Variants in CEP112 observed in about 807,000 individuals in gnomAD.
CEP112 encodes the protein centrosomal protein of 112 kDa.
A neutral mutation model predicts 153.0 loss-of-function variants in CEP112; 127 were observed. The observed-to-expected ratio is 0.83, with a 90% CI of 0.72 to 0.96. The LOEUF (loss-of-function observed/expected upper bound fraction) is 0.96. Among genes scored for constraint, CEP112 ranks in the 40% least tolerant of loss-of-function variants. CEP112 has a pLI of 0.00. For synonymous variants in CEP112, 358 were observed against 374.4 expected (o/e 0.96, Z 0.51); for missense variants, 1,089 against 1,101.2 (o/e 0.99, Z 0.16).
intron 12 of CEP112, among the ~76,000 whole-genome samples, 177 bp from the exon 13 acceptor site, chr17:66,030,200 G>A (rs543449025): frequency 6.6e-4 from 101 of 152,068 alleles, no homozygotes; most frequent in Non-Finnish European, 1.1e-3. Flanking sequence ...AAAAAACAAT[G>A]CATACTACCA....
chr17:65,958,848 G>A lies in CEP112; in HGVS notation c.1872+2615C>T, dbSNP rs117877178. Among the ~76,000 whole-genome samples the A allele has an allele frequency of 2.0e-3, 309 of 152,210 alleles. 8 individuals are homozygous for A. The East Asian group carries it at 0.052, about 26-fold the overall frequency. ...CCACAGACTGGAGTGGGAACTCGTG[G>A]TGCCTTTTCTGGGCCTCCCCATGGC... On this transcript the variant is annotated intron_variant, in intron 18 of 26. Coordinates refer to ENST00000535342, the MANE Select transcript of CEP112 (RefSeq NM_001199165.4).
chr17:66,041,602 CA>C (rs1263684976), intron 12 of CEP112, among the ~76,000 whole-genome samples: 1 of 152,072 alleles, frequency 6.6e-6, no homozygotes, highest in Non-Finnish European at 1.5e-5. Flanking sequence ...GCATAACTAG[CA>C]CACAGATATT....
At chr17:65,700,410 C>T (rs2048572268) in intron 23 of CEP112, among the ~76,000 whole-genome samples, 1 of 152,052 alleles carries the variant, frequency 6.6e-6, no homozygotes, top group African/African-American at 2.4e-5. Flanking sequence ...CAACAAACGC[C>T]AGGGAAAGTT....
intron 23 of CEP112, among the ~76,000 whole-genome samples, chr17:65,709,737 G>A (rs898401617): frequency 1.3e-5 from 2 of 152,158 alleles, no homozygotes; most frequent in Non-Finnish European, 2.9e-5. Flanking sequence ...CACATTGAGC[G>A]GCATTATACA....
intron 17 of CEP112, among the ~76,000 whole-genome samples, chr17:65,989,497 C>A (rs1596325): frequency 0.58 from 87,638 of 150,192 alleles, 26,933 homozygotes; most frequent in African/African-American, 0.72. Context: ...AACTGTCATA[C>A]AAAAATGCTA....
At chr17:66,121,401 A>C (rs996000959) in intron 6 of CEP112, among the ~76,000 whole-genome samples, 1 of 152,202 alleles carries the variant, frequency 6.6e-6, no homozygotes, top group African/African-American at 2.4e-5. Flanking sequence ...GTTTCTCATC[A>C]AACTAGAAAT....
chr17:65,779,994 G>A (rs1396012705), intron 21 of CEP112, among the ~76,000 whole-genome samples: 1 of 151,990 alleles, frequency 6.6e-6, no homozygotes, highest in African/African-American at 2.4e-5. Context: ...AAGAAGAAAT[G>A]CCCATATATT....
At chr17:65,919,350 G>A (rs1007521774) in intron 19 of CEP112, among the ~76,000 whole-genome samples, 3 of 152,176 alleles carry the variant, frequency 2.0e-5, no homozygotes, top group African/African-American at 4.8e-5. Context: ...CTCCCCCGGG[G>A]ATCACCTTAC....
intron 8 of CEP112, among the ~76,000 whole-genome samples, chr17:66,073,367 T>C (rs1449885454): frequency 3.9e-5 from 6 of 151,992 alleles, no homozygotes; most frequent in Non-Finnish European, 7.4e-5. Context: ...GAGGTCAGAG[T>C]TCTGAGCAGT....
At position 66,096,419 on chromosome 17, in the gene CEP112, C is replaced by A; in HGVS notation, c.691-91G>T. Reference sequence around the variant, plus strand: ...ACTTCTAAATTGCCTGAGGCCCGTACCAAAATAGTACTAACACTGCAGGAA... The same window carrying A: ...ACTTCTAAATTGCCTGAGGCCCGTAACAAAATAGTACTAACACTGCAGGAA... On this transcript the variant is annotated intron_variant, in intron 7 of 26. Transcript: ENST00000535342. The A allele has an allele frequency of 3.1e-6, 4 of 1,271,562 alleles. No homozygotes were observed. The South Asian group carries it at 5.1e-5, about 16-fold the overall frequency. The allele number at this position is 1,271,562 out of a possible 1,614,324, so 78.8% of individuals were successfully genotyped here.
intron 4 of CEP112, among the ~76,000 whole-genome samples, chr17:66,143,591 T>A (rs1368731921): frequency 2.0e-5 from 3 of 152,208 alleles, no homozygotes; most frequent in Non-Finnish European, 4.4e-5. Context: ...GTTTGTCTAA[T>A]GGAATGGATT....
At chr17:65,816,737 T>G (rs961134715) in intron 21 of CEP112, among the ~76,000 whole-genome samples, 1 of 152,022 alleles carries the variant, frequency 6.6e-6, no homozygotes, top group Non-Finnish European at 1.5e-5. Context: ...GTGTCTGTAG[T>G]CTGTAGTTCT....
intron 17 of CEP112, among the ~76,000 whole-genome samples, chr17:65,985,988 A>G (rs1235917260): frequency 6.6e-6 from 1 of 152,068 alleles, no homozygotes; most frequent in Non-Finnish European, 1.5e-5. Flanking sequence ...ATGCTGACTT[A>G]TCCTAAACTT....
chr17:65,656,333 C>A (rs2046063113), intron 24 of CEP112, among the ~76,000 whole-genome samples: 1 of 152,176 alleles, frequency 6.6e-6, no homozygotes, highest in African/African-American at 2.4e-5. Flanking sequence ...ATAAACTAAG[C>A]CCTTTATCAA....
At chr17:65,932,361 T>A (rs2061156685) in intron 18 of CEP112, among the ~76,000 whole-genome samples, 1 of 151,916 alleles carries the variant, frequency 6.6e-6, no homozygotes, top group Non-Finnish European at 1.5e-5. Flanking sequence ...ACAAAAAAAA[T>A]CAAGGAAATA....
intron 23 of CEP112, among the ~76,000 whole-genome samples, chr17:65,699,690 T>C (rs1021274234): frequency 6.6e-6 from 1 of 152,096 alleles, no homozygotes; most frequent in Non-Finnish European, 1.5e-5. Flanking sequence ...CTCACAGGCA[T>C]GATCATAGCA....
chr17:65,726,114 G>A (rs2050164941), intron 23 of CEP112, among the ~76,000 whole-genome samples: 1 of 152,088 alleles, frequency 6.6e-6, no homozygotes, highest in South Asian at 2.1e-4. Flanking sequence ...GCTGAGGTGG[G>A]TGGATCACAA....
chr17:66,177,066 G>GA, intron 2 of CEP112, 46 bp from the exon 3 acceptor site: 1 of 1,464,684 alleles, frequency 6.8e-7, no homozygotes, highest in Non-Finnish European at 9.2e-7. Context: ...TTTATAAAAT[G>GA]AAACATTCAA....
At chr17:65,728,745 A>C (rs1033026763) in intron 23 of CEP112, among the ~76,000 whole-genome samples, 2 of 152,186 alleles carry the variant, frequency 1.3e-5, no homozygotes, top group Non-Finnish European at 2.9e-5. Flanking sequence ...AAAGATACAA[A>C]ATGGTGCACC....
Sources: allele counts gnomAD v4.1 joint callset (sites outside exome capture counted in the v4.1 genomes callset), GRCh38; gene constraint gnomAD v4.1.1; transcripts MANE v1.5; gene names NCBI Gene and HGNC (gene_info 2026-07-23, HGNC 2026-07-21).